CAMTA1: variants seen among roughly 807,000 people sequenced by gnomAD.
CAMTA1 encodes the protein calmodulin-binding transcription activator 1.
A neutral mutation model predicts 170.9 loss-of-function variants in CAMTA1; 27 were observed. That is an observed-to-expected ratio of 0.16 (90% CI 0.12 to 0.22). CAMTA1 has a LOEUF of 0.22. Among genes scored for constraint, CAMTA1 ranks in the 10% least tolerant of loss-of-function variants. The pLI, the probability that CAMTA1 is intolerant of heterozygous loss-of-function variation, is 1.00. For missense variants in CAMTA1, 1,619 were observed against 2,217.2 expected, an observed-to-expected ratio of 0.73 and a Z score of 5.42; for synonymous variants, 833 against 891.5, an observed-to-expected ratio of 0.93 and a Z score of 1.17.
intron 5 of CAMTA1, among the ~76,000 whole-genome samples, chr1:7,323,065 A>G (rs1678696599): frequency 7.5e-6 from 1 of 133,240 alleles, no homozygotes; most frequent in Non-Finnish European, 1.6e-5. Context: ...AATTTTTCCC[A>G]TGTGTCTATT....
In CAMTA1 at chr1:6,989,218, G is replaced by A. The variant is rs555212814; in HGVS notation, c.235-102086G>A. Among the ~76,000 whole-genome samples, 12 of 152,328 alleles carry A rather than the reference G, an allele frequency of 7.9e-5. No homozygotes were observed. In the South Asian group the frequency reaches 2.5e-3, roughly 32 times the overall value. The stretch of plus-strand genomic sequence containing the variant: ...GACAGTTCCATGGAAGGGGGTTAGG[G>A]ACGGATGTGGCATCCACAAGGAGTG... On this transcript the variant is annotated intron_variant, in intron 3 of 22. Transcript: ENST00000303635.
intron 3 of CAMTA1, among the ~76,000 whole-genome samples, chr1:6,848,889 C>CA (rs1659320860): frequency 6.6e-6 from 1 of 152,136 alleles, no homozygotes; most frequent in African/African-American, 2.4e-5. Flanking sequence ...TCCGGGAAAA[C>CA]AAAGAACTAT....
intron 5 of CAMTA1, among the ~76,000 whole-genome samples, chr1:7,375,425 G>A (rs1025320979): frequency 6.6e-6 from 1 of 152,198 alleles, no homozygotes; most frequent in Non-Finnish European, 1.5e-5. Context: ...GCAAAATCCT[G>A]TTTCAAAGAG....
intron 5 of CAMTA1, among the ~76,000 whole-genome samples, chr1:7,341,866 G>A (rs2083858327): frequency 6.6e-6 from 1 of 152,112 alleles, no homozygotes; most frequent in South Asian, 2.1e-4. Flanking sequence ...TGGGGAGGAG[G>A]GCAGGCCAGG....
intron 6 of CAMTA1, among the ~76,000 whole-genome samples, chr1:7,549,957 G>A (rs547919366): frequency 6.6e-6 from 1 of 152,218 alleles, no homozygotes; most frequent in East Asian, 1.9e-4. Context: ...AGAGACAGAG[G>A]TTAGGGGCTC....
intron 5 of CAMTA1, among the ~76,000 whole-genome samples, chr1:7,372,559 A>G (rs901843650): frequency 2.0e-5 from 3 of 152,324 alleles, no homozygotes; most frequent in African/African-American, 7.2e-5. Flanking sequence ...ATCTCGCGTT[A>G]TTACGTAGCC....
intron 6 of CAMTA1, among the ~76,000 whole-genome samples, chr1:7,495,899 C>A (rs1479026212): frequency 5.9e-5 from 9 of 152,344 alleles, no homozygotes; most frequent in Middle Eastern, 3.4e-3. Flanking sequence ...TGGGAGGTGA[C>A]GGGCACTGCC....
At chr1:7,577,301 G>GC (rs1416806983) in intron 6 of CAMTA1, among the ~76,000 whole-genome samples, 1 of 92,912 alleles carries the variant, frequency 1.1e-5, no homozygotes, top group Admixed American at 1.2e-4. Context: ...ACTGAAAAGG[G>GC]CCCCCCCTTG....
At chr1:7,559,586 C>T (rs963140178) in intron 6 of CAMTA1, among the ~76,000 whole-genome samples, 2 of 152,208 alleles carry the variant, frequency 1.3e-5, no homozygotes, top group African/African-American at 4.8e-5. Flanking sequence ...GAAGGACCTG[C>T]TAATGCCACG....
intron 3 of CAMTA1, among the ~76,000 whole-genome samples, chr1:6,872,994 G>A (rs181570934): frequency 1.4e-4 from 22 of 152,256 alleles, no homozygotes; most frequent in East Asian, 3.9e-4. Context: ...AAAATTAGTC[G>A]TGGTTAGCTG....
chr1:7,741,845 G>T (rs937335789), intron 16 of CAMTA1, among the ~76,000 whole-genome samples: 1 of 151,866 alleles, frequency 6.6e-6, no homozygotes, highest in African/African-American at 2.4e-5. Context: ...TGCTGTGTTA[G>T]CCAGGATGGT....
At chr1:7,119,973 C>T (rs1044281158) in intron 4 of CAMTA1, among the ~76,000 whole-genome samples, 14 of 152,212 alleles carry the variant, frequency 9.2e-5, no homozygotes, top group East Asian at 1.9e-4. Flanking sequence ...GAGAACCTTT[C>T]GACCAACTGT....
intron 6 of CAMTA1, among the ~76,000 whole-genome samples, chr1:7,602,080 TTTCCTTCCTTCCTTCCTTCC>T (rs757245897): frequency 0.014 from 1,020 of 71,058 alleles, 33 homozygotes; most frequent in African/African-American, 0.055. Context: ...TCCAATTTTC[TTTCCTTCCTTCCTTCCTTCC>T]TTCCTTCCTT....
At chr1:6,890,669 C>T (rs1367632026) in intron 3 of CAMTA1, among the ~76,000 whole-genome samples, 1 of 151,936 alleles carries the variant, frequency 6.6e-6, no homozygotes, top group Non-Finnish European at 1.5e-5. Flanking sequence ...CTCCTGAGCT[C>T]AAGTGATCCT....
At chr1:6,984,478 G>A (rs907207855) in intron 3 of CAMTA1, among the ~76,000 whole-genome samples, 1 of 152,072 alleles carries the variant, frequency 6.6e-6, no homozygotes, top group Admixed American at 6.5e-5. Flanking sequence ...CAGGTGTGGG[G>A]TGGTGCGGGG....
intron 3 of CAMTA1, among the ~76,000 whole-genome samples, chr1:6,941,732 G>T (rs897769437): frequency 6.6e-6 from 1 of 152,270 alleles, no homozygotes; most frequent in Non-Finnish European, 1.5e-5. Flanking sequence ...CTTCTGGGCA[G>T]TCCTGCAGTG....
intron 19 of CAMTA1, 80 bp downstream of exon 19, chr1:7,747,861 C>T: frequency 3.6e-6 from 3 of 839,236 alleles, no homozygotes; most frequent in Non-Finnish European, 5.9e-6. Context: ...CTAAAGAGCA[C>T]TACATCTAGT....
chr1:7,276,694 A>T (rs12081289), intron 5 of CAMTA1, among the ~76,000 whole-genome samples: 8,195 of 152,098 alleles, frequency 0.054, 723 homozygotes, highest in African/African-American at 0.19. Context: ...GCTTCTATTC[A>T]ATATTCTACC....
At chr1:7,062,062 C>T (rs1206129894) in intron 3 of CAMTA1, among the ~76,000 whole-genome samples, 3 of 151,940 alleles carry the variant, frequency 2.0e-5, no homozygotes, top group South Asian at 4.2e-4. Context: ...GGATTATAGG[C>T]GCCCGCCACC....
Sources: gnomAD v4.1 joint callset for allele counts (sites outside exome capture counted in the v4.1 genomes callset) on GRCh38, gnomAD v4.1.1 for gene constraint, MANE v1.5 for transcripts, NCBI Gene and HGNC (gene_info 2026-07-23, HGNC 2026-07-21) for gene names.